The following ATP9B variants were observed in gnomAD, a reference collection of about 807,000 sequenced individuals.
The protein encoded by ATP9B is probable phospholipid-transporting ATPase IIB.
ATP9B carries 110 observed loss-of-function variants against 146.1 expected under a neutral mutation model. The ratio of observed to expected loss-of-function variants is 0.75; its 90% CI spans 0.65 to 0.88. The LOEUF is 0.88. Among genes scored for constraint, ATP9B ranks in the 40% least tolerant of loss-of-function variants. The pLI, the probability that ATP9B is intolerant of heterozygous loss-of-function variation, is 0.00. For missense variants in ATP9B, 1,499 were observed against 1,496.4 expected (o/e 1.00, Z -0.03); for synonymous variants, 604 against 569.7 (o/e 1.06, Z -0.86).
At chr18:79,218,772 T>C (rs1391726652) in intron 11 of ATP9B, among the ~76,000 whole-genome samples, 1 of 152,252 alleles carries the variant, frequency 6.6e-6, no homozygotes, top group African/African-American at 2.4e-5. Flanking sequence ...TGACTGATTC[T>C]TAAGGCTTTG....
chr18:79,094,285 A>G (rs145617312), intron 1 of ATP9B, among the ~76,000 whole-genome samples: 4 of 152,328 alleles, frequency 2.6e-5, no homozygotes, highest in Non-Finnish European at 4.4e-5. Flanking sequence ...CTGTTGATTC[A>G]TATACAGAAT....
intron 15 of ATP9B, among the ~76,000 whole-genome samples, chr18:79,316,337 C>T (rs1172809137): frequency 1.3e-5 from 2 of 152,130 alleles, no homozygotes; most frequent in African/African-American, 2.4e-5. Flanking sequence ...ACCTTCCACC[C>T]GCCGCCTGAA....
intron 13 of ATP9B, among the ~76,000 whole-genome samples, chr18:79,296,707 T>C (rs2096550820): frequency 6.6e-6 from 1 of 152,234 alleles, no homozygotes; most frequent in African/African-American, 2.4e-5. Context: ...TTTCATAAAT[T>C]AGGCTCGTTA....
rs369542106 is a variant in ATP9B at position 79,330,571 on chromosome 18, CCTGA to C, written c.2028+470_2028+473del. ...GGGACTACAGGCACCCGCCACCATGCCTGACTAATTTTTTTGTATTTTTAGTAGA... is the reference window on the plus strand; with the variant it reads ...GGGACTACAGGCACCCGCCACCATGCCTAATTTTTTTGTATTTTTAGTAGA... On this transcript the variant is annotated intron_variant, in intron 17 of 29. Transcript: ENST00000426216. Among the ~76,000 whole-genome samples the C allele has an allele frequency of 7.7e-4, 117 of 152,254 alleles. No individual in the cohort carries two copies. In the East Asian group the frequency reaches 0.017, roughly 22 times the overall value.
intron 6 of ATP9B, among the ~76,000 whole-genome samples, chr18:79,151,176 T>G (rs983967573): frequency 6.6e-6 from 1 of 152,238 alleles, no homozygotes; most frequent in Non-Finnish European, 1.5e-5. Flanking sequence ...AATACTCGCA[T>G]TTCACTATTT....
chr18:79,297,285 A>G (rs2096558649), intron 13 of ATP9B, among the ~76,000 whole-genome samples: 1 of 150,744 alleles, frequency 6.6e-6, no homozygotes, highest in African/African-American at 2.5e-5. Context: ...TGACCCAGAG[A>G]GGAGACACAG....
At chr18:79,292,032 T>C (rs1266338763) in intron 13 of ATP9B, among the ~76,000 whole-genome samples, 1 of 152,236 alleles carries the variant, frequency 6.6e-6, no homozygotes, top group Non-Finnish European at 1.5e-5. Flanking sequence ...ATATACTCTT[T>C]TACTGGTTCA....
chr18:79,361,868 C>A, intron 26 of ATP9B: 2 of 910,514 alleles, frequency 2.2e-6, no homozygotes, highest in Non-Finnish European at 2.6e-6. Context: ...CCCAGTCCGT[C>A]GGCTCAAGCT....
At chr18:79,187,146 T>A (rs2095315130) in intron 8 of ATP9B, among the ~76,000 whole-genome samples, 1 of 152,226 alleles carries the variant, frequency 6.6e-6, no homozygotes, top group South Asian at 2.1e-4. Flanking sequence ...CTGAACTTCA[T>A]CCTTTCACTG....
chr18:79,241,824 A>T (rs1268308354), intron 11 of ATP9B, among the ~76,000 whole-genome samples: 1 of 152,192 alleles, frequency 6.6e-6, no homozygotes, highest in East Asian at 1.9e-4. Context: ...TTAGAGTTTG[A>T]TAGTCGCCAA....
intron 7 of ATP9B, among the ~76,000 whole-genome samples, chr18:79,174,996 C>G (rs143717705): frequency 6.6e-6 from 1 of 151,832 alleles, no homozygotes; most frequent in Non-Finnish European, 1.5e-5. Flanking sequence ...GTCAAGAGAT[C>G]GAGACCATCC....
intron 9 of ATP9B, among the ~76,000 whole-genome samples, chr18:79,199,384 G>A (rs1470514669): frequency 6.6e-6 from 1 of 152,102 alleles, no homozygotes; most frequent in African/African-American, 2.4e-5. Flanking sequence ...TTGTACACCT[G>A]TACAAAAATA....
intron 8 of ATP9B, among the ~76,000 whole-genome samples, chr18:79,177,704 G>T (rs540253589): frequency 7.3e-6 from 1 of 137,744 alleles, no homozygotes; most frequent in African/African-American, 2.8e-5. Context: ...TTTCACTTAG[G>T]CACATAAAAG....
At chr18:79,201,817 C>T (rs1290656323) in intron 9 of ATP9B, among the ~76,000 whole-genome samples, 1 of 152,134 alleles carries the variant, frequency 6.6e-6, no homozygotes, top group African/African-American at 2.4e-5. Flanking sequence ...CCTCGGCCTC[C>T]CAAAGTGCTG....
At chr18:79,096,328 G>T in intron 1 of ATP9B, 148 bp from the exon 2 acceptor site, 1 of 715,152 alleles carries the variant, frequency 1.4e-6, no homozygotes, top group Non-Finnish European at 2.2e-6. Flanking sequence ...TTATTCCTTT[G>T]CAAAAGAAAG....
At chr18:79,271,016 G>A (rs2096248263) in intron 12 of ATP9B, among the ~76,000 whole-genome samples, 2 of 152,290 alleles carry the variant, frequency 1.3e-5, no homozygotes, top group South Asian at 4.1e-4. Context: ...GCCCCTGTGA[G>A]CTGCATGTGC....
At chr18:79,376,159 G>C (rs2097100445) in intron 29 of ATP9B, 1 of 944,768 alleles carries the variant, frequency 1.1e-6, no homozygotes, top group African/African-American at 2.1e-5. Flanking sequence ...CATAAAGTCA[G>C]CTCTACCTTA....
At chr18:79,278,185 C>T (rs542003406) in intron 13 of ATP9B, among the ~76,000 whole-genome samples, 4 of 152,154 alleles carry the variant, frequency 2.6e-5, no homozygotes, top group East Asian at 3.9e-4. Context: ...ACAGCAGCTG[C>T]GTCCATAGAA....
chr18:79,188,333 G>A (rs533304561), intron 8 of ATP9B, among the ~76,000 whole-genome samples: 3 of 152,272 alleles, frequency 2.0e-5, no homozygotes, highest in East Asian at 1.9e-4. Context: ...ATTGTTCTAC[G>A]TCCCTCAGAA....
Sources: gnomAD v4.1 joint callset for allele counts (sites outside exome capture counted in the v4.1 genomes callset) on GRCh38, gnomAD v4.1.1 for gene constraint, MANE v1.5 for transcripts, NCBI Gene and HGNC (gene_info 2026-07-23, HGNC 2026-07-21) for gene names.